Variants in WWOX observed in about 807,000 individuals in gnomAD.
WWOX encodes the protein WW domain-containing oxidoreductase.
In WWOX, 69 loss-of-function variants were observed where a neutral mutation model predicts 46.2. That is an observed-to-expected ratio of 1.49 (90% CI 1.23 to 1.82). The LOEUF is 1.82. WWOX is among the 40% of genes most tolerant of loss of function. The probability of loss-of-function intolerance (pLI) is 0.00; values close to 1 mark genes in which losing one functional copy is unlikely to be tolerated. For synonymous variants in WWOX, 359 were observed against 202.6 expected (o/e 1.77, Z -6.56); for missense variants, 919 against 542.6 (o/e 1.69, Z -6.89).
intron 8 of WWOX, among the ~76,000 whole-genome samples, chr16:78,723,146 C>T (rs1038551591): frequency 6.6e-6 from 1 of 152,216 alleles, no homozygotes; most frequent in African/African-American, 2.4e-5. Context: ...AACTGCTGGC[C>T]TGCCGCTTGT....
intron 5 of WWOX, among the ~76,000 whole-genome samples, chr16:78,230,902 G>A (rs1043450772): frequency 6.6e-6 from 1 of 152,242 alleles, no homozygotes; most frequent in East Asian, 1.9e-4. Flanking sequence ...TGCAGAAAAC[G>A]GAGAGGAGGT....
chr16:78,636,825 C>T (rs1270982490), intron 8 of WWOX, among the ~76,000 whole-genome samples: 1 of 152,170 alleles, frequency 6.6e-6, no homozygotes, highest in Non-Finnish European at 1.5e-5. Context: ...AATTTGGTTG[C>T]TCCTTCAGAT....
At chr16:78,221,581 A>G (rs2036889681) in intron 5 of WWOX, among the ~76,000 whole-genome samples, 1 of 152,218 alleles carries the variant, frequency 6.6e-6, no homozygotes. Context: ...AGAAGTAGAT[A>G]AGAAAAACAA....
intron 8 of WWOX, among the ~76,000 whole-genome samples, chr16:79,151,509 A>G (rs1006194876): frequency 7.9e-5 from 12 of 152,204 alleles, no homozygotes; most frequent in Non-Finnish European, 1.2e-4. Context: ...CTCCTTCTAC[A>G]TGATCAGTGT....
At chr16:78,142,443 A>G (rs2034020540) in intron 4 of WWOX, among the ~76,000 whole-genome samples, 2 of 152,322 alleles carry the variant, frequency 1.3e-5, no homozygotes, top group South Asian at 4.1e-4. Context: ...AAGAACTAGA[A>G]ATGCTAGATA....
chr16:78,425,125 C>T, intron 7 of WWOX, 70 bp downstream of exon 7: 2 of 1,594,634 alleles, frequency 1.3e-6, no homozygotes, highest in Non-Finnish European at 1.7e-6. Context: ...CCAAGGCTCT[C>T]ATTCTGAAAA....
intron 8 of WWOX, among the ~76,000 whole-genome samples, chr16:78,753,941 C>G (rs562807313): frequency 7.1e-6 from 1 of 141,180 alleles, no homozygotes; most frequent in Admixed American, 7.4e-5. Flanking sequence ...GTGGCAGAAA[C>G]AGGGGAATTC....
chr16:78,713,134 T>G (rs1390930646), intron 8 of WWOX, among the ~76,000 whole-genome samples: 1 of 151,700 alleles, frequency 6.6e-6, no homozygotes, highest in Non-Finnish European at 1.5e-5. Flanking sequence ...TAGCTGGGCA[T>G]GGTGGTGCCT....
intron 8 of WWOX, among the ~76,000 whole-genome samples, chr16:78,468,977 T>C (rs1196763876): frequency 3.3e-5 from 5 of 152,204 alleles, no homozygotes; most frequent in Non-Finnish European, 5.9e-5. Context: ...ACATCAGTAG[T>C]TCTGAATGAC....
chr16:78,402,273 T>C (rs565765671), intron 6 of WWOX, among the ~76,000 whole-genome samples: 24 of 152,332 alleles, frequency 1.6e-4, no homozygotes, highest in African/African-American at 5.8e-4. Context: ...TAGCATAATG[T>C]TCTAGAGGTT....
intron 1 of WWOX, among the ~76,000 whole-genome samples, chr16:78,102,639 CCTT>C (rs1249339279): frequency 6.6e-6 from 1 of 152,206 alleles, no homozygotes; most frequent in Non-Finnish European, 1.5e-5. Context: ...GCCCAAGAGA[CCTT>C]CTTAACTGTG....
At chr16:78,947,188 T>A (rs934060251) in intron 8 of WWOX, among the ~76,000 whole-genome samples, 9 of 151,620 alleles carry the variant, frequency 5.9e-5, no homozygotes, top group Middle Eastern at 3.4e-3. Flanking sequence ...GAAAACCCCA[T>A]AACAATGAAA....
At chr16:78,588,257 C>CA (rs1851528884) in intron 8 of WWOX, among the ~76,000 whole-genome samples, 1 of 152,176 alleles carries the variant, frequency 6.6e-6, no homozygotes, top group South Asian at 2.1e-4. Context: ...CAGGTTCTTG[C>CA]AGTTGGCAAA....
At chr16:78,755,452 A>T (rs925328268) in intron 8 of WWOX, among the ~76,000 whole-genome samples, 8 of 152,114 alleles carry the variant, frequency 5.3e-5, no homozygotes, top group Admixed American at 2.0e-4. Context: ...TGTGATACTG[A>T]TTAATTTAAG....
At chr16:78,294,961 T>A (rs1299627957) in intron 5 of WWOX, among the ~76,000 whole-genome samples, 2 of 152,180 alleles carry the variant, frequency 1.3e-5, no homozygotes, top group East Asian at 3.9e-4. Flanking sequence ...TGTTTTCTAT[T>A]TGGATTTCAC....
chr16:78,501,626 T>G (rs946946209), intron 8 of WWOX, among the ~76,000 whole-genome samples: 3 of 152,078 alleles, frequency 2.0e-5, no homozygotes, highest in Non-Finnish European at 4.4e-5. Context: ...AACCTCTGTC[T>G]CCTGGCTTCA....
At chr16:79,137,522 C>T (rs1280378909) in intron 8 of WWOX, among the ~76,000 whole-genome samples, 2 of 152,112 alleles carry the variant, frequency 1.3e-5, no homozygotes, top group African/African-American at 4.8e-5. Context: ...ACATGTTGGA[C>T]CCGTGGCATT....
intron 8 of WWOX, among the ~76,000 whole-genome samples, chr16:79,207,114 G>A (rs2051539983): frequency 6.6e-6 from 1 of 152,094 alleles, no homozygotes; most frequent in African/African-American, 2.4e-5. Context: ...CGTGTAGACG[G>A]CCATCTATTC....
At chr16:78,623,734 CA>C (rs10543154) in intron 8 of WWOX, among the ~76,000 whole-genome samples, 130 of 141,838 alleles carry the variant, frequency 9.2e-4, no homozygotes, top group East Asian at 1.5e-3. Flanking sequence ...GACTCTGTCT[CA>C]AAAAAAAAAA....
Sources: allele counts gnomAD v4.1 joint callset (sites outside exome capture counted in the v4.1 genomes callset), GRCh38; gene constraint gnomAD v4.1.1; transcripts MANE v1.5; gene names NCBI Gene and HGNC (gene_info 2026-07-23, HGNC 2026-07-21).